STYXL1: variants seen among roughly 807,000 people sequenced by gnomAD.
The protein encoded by STYXL1 is serine/threonine/tyrosine-interacting-like protein 1.
In STYXL1, 32 loss-of-function variants were observed where a neutral mutation model predicts 36.4. The observed-to-expected ratio is 0.88, with a 90% confidence interval of 0.66 to 1.18. The LOEUF (loss-of-function observed/expected upper bound fraction) is 1.18, where lower values mean the gene tolerates loss of function less well. Ranked by LOEUF, STYXL1 falls within the 50% of genes most tolerant of loss-of-function variation. The pLI, the probability that STYXL1 is intolerant of heterozygous loss-of-function variation, is 0.00. For missense variants in STYXL1, 354 were observed against 394.1 expected (o/e 0.90, Z 0.86); for synonymous variants, 133 against 144.1 (o/e 0.92, Z 0.55).
chr7:76,010,015 T>C (rs1792359364), intron 5 of STYXL1, among the ~76,000 whole-genome samples: 1 of 152,142 alleles, frequency 6.6e-6, no homozygotes, highest in South Asian at 2.1e-4. Flanking sequence ...GCCTTTTAAA[T>C]ATGTGCAGTT....
intron 1 of STYXL1, among the ~76,000 whole-genome samples, chr7:76,038,420 A>ACTTT (rs1453923272): frequency 8.6e-5 from 4 of 46,270 alleles, no homozygotes; most frequent in Admixed American, 2.2e-4. Flanking sequence ...GAATTGAATG[A>ACTTT]CATTTTTTTT....
At chr7:76,006,848 C>T (rs1554570572) in intron 5 of STYXL1, among the ~76,000 whole-genome samples, 1 of 151,898 alleles carries the variant, frequency 6.6e-6, no homozygotes, top group East Asian at 1.9e-4. Context: ...ATTATCTCTA[C>T]ATTTCCCAAA....
rs543826929 is a variant in STYXL1, at chr7:76,030,458, G to A, written c.66C>T (p.Leu22=). 4.3e-6 allele frequency: 7 copies of A among 1,613,974 alleles called. No individual in the cohort carries two copies. The highest frequency in any genetic ancestry group is 4.0e-5 in the African/African-American group (3 of 75,024). Residue 22 remains leucine, a synonymous_variant, in exon 2 of 9, where the codon CTC becomes CTT. Coordinates refer to ENST00000359697, the MANE Select transcript of STYXL1 (RefSeq NM_001317785.2). ...LYNILNQATK[L]SRLTDPNYLC... ...GATAGTTGGGGTCTGTTAATCTGGAGAGTTTTGTGGCCTGATTCAGGATGT... is the reference window on the plus strand; with the variant it reads ...GATAGTTGGGGTCTGTTAATCTGGAAAGTTTTGTGGCCTGATTCAGGATGT...
At chr7:76,030,185 G>C (rs902961131) in intron 2 of STYXL1, among the ~76,000 whole-genome samples, 13 of 152,028 alleles carry the variant, frequency 8.6e-5, no homozygotes, top group African/African-American at 3.1e-4. Flanking sequence ...TTTTAGTAGA[G>C]ATGGGGTTTT....
At chr7:76,010,740 C>G (rs1283061941) in intron 5 of STYXL1, among the ~76,000 whole-genome samples, 9 of 152,170 alleles carry the variant, frequency 5.9e-5, no homozygotes, top group Admixed American at 5.9e-4. Context: ...GGGAAGAGAG[C>G]AGCTGTCCTT....
At chr7:76,010,095 T>C (rs1290196326) in intron 5 of STYXL1, among the ~76,000 whole-genome samples, 2 of 152,172 alleles carry the variant, frequency 1.3e-5, no homozygotes, top group African/African-American at 4.8e-5. Flanking sequence ...ATCAGCAGCG[T>C]AGGGTTTGCA....
At chr7:76,041,585 CCT>C (rs1361211522) in intron 1 of STYXL1, among the ~76,000 whole-genome samples, 17 of 152,180 alleles carry the variant, frequency 1.1e-4, no homozygotes, top group African/African-American at 3.9e-4. Context: ...CGCCTAATTC[CCT>C]GTCTCCACCA....
chr7:76,018,933 C>G (rs1467317203), intron 4 of STYXL1, among the ~76,000 whole-genome samples: 2 of 152,214 alleles, frequency 1.3e-5, no homozygotes, highest in African/African-American at 4.8e-5. Context: ...ATTTTACTTT[C>G]TGGTTCGCAG....
Position 75,997,173 on chromosome 7 carries a change from T to A in STYXL1, c.811-574A>T, listed in dbSNP as rs553494704. On this transcript the variant is annotated intron_variant, in intron 8 of 8. Transcript: ENST00000359697. Reference sequence around the variant, plus strand: ...ATGGCCAGGCACAGTGGCTCATGCCTGTAATCCTGGCACTTTGGGGGGCCG... The same window carrying A: ...ATGGCCAGGCACAGTGGCTCATGCCAGTAATCCTGGCACTTTGGGGGGCCG... 3.6e-3 allele frequency among the ~76,000 whole-genome samples: 554 copies of A among 152,334 alleles called. 2 individuals are homozygous for A. Among genetic ancestry groups the A allele is most frequent in the Admixed American group, 7.9e-3 (121 of 15,300 alleles).
rs1299631487 is a variant in STYXL1 at position 76,047,899 on chromosome 7, C to G, written c.-242G>C. On this transcript the variant is annotated 5_prime_UTR_variant, in exon 1 of 9. Coordinates refer to ENST00000359697, the MANE Select transcript of STYXL1 (RefSeq NM_001317785.2). ...TGCAGACTGGCCCTCCCACTCCGACCGCAGGTCCCCCACCGGCCACACAGA... is the reference window on the plus strand; with the variant it reads ...TGCAGACTGGCCCTCCCACTCCGACGGCAGGTCCCCCACCGGCCACACAGA... 7.1e-7 allele frequency: 1 copy of G among 1,411,946 alleles called. No individual in the cohort carries two copies. Among genetic ancestry groups the G allele is most frequent in the South Asian group, 1.5e-5 (1 of 67,896 alleles). The allele number at this position is 1,411,946 out of a possible 1,614,324, so 87.5% of individuals were successfully genotyped here.
intron 4 of STYXL1, among the ~76,000 whole-genome samples, chr7:76,020,344 C>T (rs541314197): frequency 8.5e-5 from 13 of 152,296 alleles, no homozygotes; most frequent in African/African-American, 2.2e-4. Context: ...GCTTCTGGAA[C>T]GGCACCCACA....
rs782683826 is a variant in STYXL1, at chr7:76,003,843, A to G, written c.612T>C (p.Asp204=). 1 of 1,614,206 alleles carries G rather than the reference A, an allele frequency of 6.2e-7. No homozygotes were observed. Among genetic ancestry groups the G allele is most frequent in the Admixed American group, 1.7e-5 (1 of 60,024 alleles). ...SMDTGPFFAG[D]ADKLLHIRIE... The stretch of plus-strand genomic sequence containing the variant: ...TCCGGATGTGCAGAAGCTTGTCAGC[A>G]TCGCCTGCAAAACTACACGGAAGGA... Residue 204 remains aspartate, a synonymous_variant, in exon 7 of 9, where the codon GAT becomes GAC. Transcript: ENST00000359697.
At chr7:76,031,641 G>A (rs567580627) in intron 1 of STYXL1, among the ~76,000 whole-genome samples, 1 of 151,870 alleles carries the variant, frequency 6.6e-6, no homozygotes, top group African/African-American at 2.4e-5. Flanking sequence ...CTTGAACCCG[G>A]GAGGCGGAGG....
intron 1 of STYXL1, among the ~76,000 whole-genome samples, chr7:76,033,445 C>T (rs1795592643): frequency 6.6e-6 from 1 of 152,166 alleles, no homozygotes. Flanking sequence ...TGCACCTGGC[C>T]AGCTATCTTT....
At chr7:76,024,062 C>T (rs141295228) in intron 3 of STYXL1, among the ~76,000 whole-genome samples, 39 of 152,106 alleles carry the variant, frequency 2.6e-4, no homozygotes, top group Non-Finnish European at 5.3e-4. Context: ...AAACAGATGC[C>T]TTCTCAGGTC....
Position 76,022,102 on chromosome 7 carries a change from C to T in STYXL1, c.166-110G>A, listed in dbSNP as rs539922574. The T allele has an allele frequency of 8.0e-6, 12 of 1,506,006 alleles. 1 individual carries two copies. The South Asian group carries it at 1.1e-4, about 13-fold the overall frequency. The allele number at this position is 1,506,006 out of a possible 1,614,324, so 93.3% of individuals were successfully genotyped here. On this transcript the variant is annotated intron_variant, in intron 3 of 8. Transcript: ENST00000359697. ...GGGAGGAGCTAAGACCGCACTCTCT[C>T]CCCTGACTATACACACAGGCCCAGA... is the stretch of plus-strand genomic sequence containing the variant.
intron 5 of STYXL1, among the ~76,000 whole-genome samples, chr7:76,006,801 AAC>A (rs1554570557): frequency 1.5e-4 from 22 of 151,290 alleles, no homozygotes; most frequent in Admixed American, 4.6e-4. Context: ...CAACAACAAC[AAC>A]AAAAAACTTT....
rs782489298 is a variant in STYXL1 at position 76,021,875 on chromosome 7, AATCATC to A, written c.277_282del (p.Asp93_Asp94del). 2.5e-6 allele frequency: 4 copies of A among 1,613,140 alleles called. No homozygotes were observed. The South Asian group carries it at 3.3e-5, about 13-fold the overall frequency. Reference sequence around the variant, plus strand: ...CCTTTGCCATCACCATCAGAGTCTGAATCATCATCATCATCTTTTAAGAGTATCTCC... The same window carrying A: ...CCTTTGCCATCACCATCAGAGTCTGAATCATCATCTTTTAAGAGTATCTCC... On this transcript the variant is annotated inframe_deletion, in exon 4 of 9. Coordinates refer to ENST00000359697, the MANE Select transcript of STYXL1 (RefSeq NM_001317785.2).
chr7:76,004,452 C>A (rs1409285721), intron 6 of STYXL1, among the ~76,000 whole-genome samples: 6 of 151,958 alleles, frequency 3.9e-5, no homozygotes, highest in African/African-American at 1.4e-4. Context: ...ACCTGTAAAC[C>A]CAGCACTTTG....
Sources: gnomAD v4.1 joint callset for allele counts (sites outside exome capture counted in the v4.1 genomes callset) on GRCh38, gnomAD v4.1.1 for gene constraint, MANE v1.5 for transcripts, NCBI Gene and HGNC (gene_info 2026-07-23, HGNC 2026-07-21) for gene names.